Variants in GALNTL6 observed in about 807,000 individuals in gnomAD.
GALNTL6 encodes polypeptide N-acetylgalactosaminyltransferase-like 6.
GALNTL6 carries 46 observed loss-of-function variants against 73.7 expected under a neutral mutation model. The ratio of observed to expected loss-of-function variants is 0.62; its 90% CI spans 0.49 to 0.80. GALNTL6 has a LOEUF of 0.80. GALNTL6 is among the 30% of genes least tolerant of loss of function. GALNTL6 has a pLI of 0.00. For synonymous variants in GALNTL6, 259 were observed against 263.7 expected, an observed-to-expected ratio of 0.98 and a Z score of 0.17; for missense variants, 604 against 755.0, an observed-to-expected ratio of 0.80 and a Z score of 2.34.
chr4:172,940,130 T>G (rs914131488), intron 9 of GALNTL6, among the ~76,000 whole-genome samples: 1 of 150,644 alleles, frequency 6.6e-6, no homozygotes, highest in African/African-American at 2.4e-5. Flanking sequence ...AAAAAATATG[T>G]GAGGTAAAGA....
intron 5 of GALNTL6, among the ~76,000 whole-genome samples, chr4:172,669,986 T>G: frequency 6.6e-6 from 1 of 152,178 alleles, no homozygotes; most frequent in South Asian, 2.1e-4. Context: ...TCCATGTCCC[T>G]CCAAAAAACA....
intron 7 of GALNTL6, among the ~76,000 whole-genome samples, chr4:172,861,643 T>G (rs141082004): frequency 6.6e-6 from 1 of 152,294 alleles, no homozygotes; most frequent in Non-Finnish European, 1.5e-5. Context: ...CACCCATAAT[T>G]CCCACATGTC....
Position 172,025,819 on chromosome 4 carries a change from G to A in GALNTL6, c.139-203837G>A, listed in dbSNP as rs952937903. ...TGTGTGTGTGTATGTTTGTGTGTGT[G>A]TGTGTTTAACTGTTTATGAAGGTTT... is the stretch of plus-strand genomic sequence containing the variant. On this transcript the variant is annotated intron_variant, in intron 2 of 12. Coordinates refer to ENST00000506823, the MANE Select transcript of GALNTL6 (RefSeq NM_001034845.3). Among the ~76,000 whole-genome samples, 39 of 152,012 alleles carry A rather than the reference G, an allele frequency of 2.6e-4. 1 individual carries two copies. The highest frequency in any genetic ancestry group is 9.4e-4 in the African/African-American group (39 of 41,510).
At chr4:172,389,081 A>G (rs1743575211) in intron 5 of GALNTL6, among the ~76,000 whole-genome samples, 1 of 152,044 alleles carries the variant, frequency 6.6e-6, no homozygotes, top group Admixed American at 6.6e-5. Flanking sequence ...ACAAGACGTA[A>G]TTTCAGGAAC....
chr4:172,734,707 A>G (rs932236627), intron 5 of GALNTL6, among the ~76,000 whole-genome samples: 1 of 152,064 alleles, frequency 6.6e-6, no homozygotes, highest in African/African-American at 2.4e-5. Flanking sequence ...GCATGGTGCA[A>G]GCTGTCAATG....
At chr4:172,651,647 C>T (rs575978237) in intron 5 of GALNTL6, among the ~76,000 whole-genome samples, 1 of 152,238 alleles carries the variant, frequency 6.6e-6, no homozygotes, top group Non-Finnish European at 1.5e-5. Context: ...TGTAAGTTGT[C>T]ATTGATTATG....
intron 5 of GALNTL6, among the ~76,000 whole-genome samples, chr4:172,539,526 T>C (rs1735473050): frequency 6.6e-6 from 1 of 152,124 alleles, no homozygotes; most frequent in Non-Finnish European, 1.5e-5. Flanking sequence ...GTGTATCAGT[T>C]TGTAACAATA....
At chr4:172,065,442 C>G (rs1731329505) in intron 2 of GALNTL6, among the ~76,000 whole-genome samples, 1 of 152,100 alleles carries the variant, frequency 6.6e-6, no homozygotes, top group African/African-American at 2.4e-5. Context: ...GACCCCTGCA[C>G]TGTATTACTC....
chr4:171,960,796 T>C (rs1739199834), intron 2 of GALNTL6, among the ~76,000 whole-genome samples: 1 of 151,586 alleles, frequency 6.6e-6, no homozygotes, highest in African/African-American at 2.4e-5. Flanking sequence ...CAATCTGGTG[T>C]TGAACTATTA....
At chr4:172,341,774 G>C (rs1291286750) in intron 4 of GALNTL6, among the ~76,000 whole-genome samples, 1 of 152,062 alleles carries the variant, frequency 6.6e-6, no homozygotes, top group Admixed American at 6.5e-5. Flanking sequence ...CCAACCATAC[G>C]GAACAGTAAG....
intron 5 of GALNTL6, among the ~76,000 whole-genome samples, chr4:172,573,792 C>A (rs150626626): frequency 6.6e-6 from 1 of 152,240 alleles, no homozygotes; most frequent in Non-Finnish European, 1.5e-5. Context: ...ATCTTTTATT[C>A]AGATGTTTTA....
chr4:172,895,020 A>G (rs1367633698), intron 8 of GALNTL6, among the ~76,000 whole-genome samples: 2 of 137,186 alleles, frequency 1.5e-5, no homozygotes, highest in Non-Finnish European at 3.2e-5. Context: ...CTCTCTTTTT[A>G]TTTCTATTTG....
intron 5 of GALNTL6, among the ~76,000 whole-genome samples, chr4:172,641,599 C>G (rs1019605931): frequency 6.6e-6 from 1 of 152,060 alleles, no homozygotes; most frequent in Non-Finnish European, 1.5e-5. Flanking sequence ...CTGAACCTTA[C>G]CAATACACCT....
At position 171,992,947 on chromosome 4, in the gene GALNTL6, GT is replaced by G. The variant is rs574636940; in HGVS notation, c.138+178234del. ...TTTCATCTACTTCTTACATTTCACT[GT>G]TTTTCCAAGCTCATGCTAAATTTCT... On this transcript the variant is annotated intron_variant, in intron 2 of 12. Transcript: ENST00000506823. Among the ~76,000 whole-genome samples the G allele has an allele frequency of 2.3e-4, 35 of 152,106 alleles. No homozygotes were observed. The East Asian group carries it at 6.6e-3, about 29-fold the overall frequency.
chr4:172,736,629 A>G (rs968041301), intron 5 of GALNTL6, among the ~76,000 whole-genome samples: 9 of 152,266 alleles, frequency 5.9e-5, no homozygotes, highest in African/African-American at 2.2e-4. Flanking sequence ...ATAGGAAATT[A>G]TAAGAGTATT....
At chr4:172,104,878 G>A (rs1732634324) in intron 2 of GALNTL6, among the ~76,000 whole-genome samples, 1 of 152,150 alleles carries the variant, frequency 6.6e-6, no homozygotes, top group Non-Finnish European at 1.5e-5. Context: ...GATCCTGGTA[G>A]ATATGGATGT....
At chr4:172,031,213 C>G (rs1741758862) in intron 2 of GALNTL6, among the ~76,000 whole-genome samples, 1 of 119,988 alleles carries the variant, frequency 8.3e-6, no homozygotes, top group Non-Finnish European at 1.9e-5. Context: ...GGGAGAGGAT[C>G]CACAGGTAGT....
At chr4:172,689,691 A>T (rs1733148817) in intron 5 of GALNTL6, among the ~76,000 whole-genome samples, 1 of 152,172 alleles carries the variant, frequency 6.6e-6, no homozygotes, top group East Asian at 1.9e-4. Context: ...TCAACTGCTG[A>T]TGCTTCTTGC....
At chr4:172,388,430 A>G (rs545501582) in intron 5 of GALNTL6, among the ~76,000 whole-genome samples, 2 of 152,290 alleles carry the variant, frequency 1.3e-5, no homozygotes, top group South Asian at 4.1e-4. Context: ...TAAAGTTTAC[A>G]TATATGCCAC....
Sources: gnomAD v4.1 joint callset for allele counts (sites outside exome capture counted in the v4.1 genomes callset) on GRCh38, gnomAD v4.1.1 for gene constraint, MANE v1.5 for transcripts, NCBI Gene and HGNC (gene_info 2026-07-23, HGNC 2026-07-21) for gene names.